The following FRYL variants were observed in gnomAD, a reference collection of about 807,000 sequenced individuals.
FRYL encodes the protein protein furry homolog-like.
Under a neutral mutation model 351.2 loss-of-function variants are expected in FRYL, and 150 were observed. That is an observed-to-expected ratio of 0.43 (90% CI 0.37 to 0.49). The LOEUF (loss-of-function observed/expected upper bound fraction) is 0.49, where lower values mean the gene tolerates loss of function less well. FRYL is among the 20% of genes least tolerant of loss of function. The pLI is 0.00. For synonymous variants in FRYL, 1,153 were observed against 1,257.1 expected, an observed-to-expected ratio of 0.92 and a Z score of 1.75; for missense variants, 3,036 against 3,619.3, an observed-to-expected ratio of 0.84 and a Z score of 4.13.
chr4:48,542,542 G>A (rs140962756), intron 44 of FRYL, among the ~76,000 whole-genome samples: 3 of 152,230 alleles, frequency 2.0e-5, no homozygotes, highest in East Asian at 1.9e-4. Flanking sequence ...TCAGCCTCCC[G>A]AGTAGCTGGG....
At chr4:48,756,585 A>G (rs777281248) in intron 1 of FRYL, among the ~76,000 whole-genome samples, 13 of 152,354 alleles carry the variant, frequency 8.5e-5, no homozygotes, top group Non-Finnish European at 1.8e-4. Context: ...CACAACCAAC[A>G]TAGTGTTTAT....
intron 59 of FRYL, among the ~76,000 whole-genome samples, chr4:48,508,696 T>C (rs1295293224): frequency 6.6e-6 from 1 of 152,190 alleles, no homozygotes; most frequent in African/African-American, 2.4e-5. Context: ...TTCACTCATA[T>C]GTCTTGCACA....
At position 48,549,629 on chromosome 4, in the gene FRYL, A is replaced by G. The variant is rs773496968; in HGVS notation, c.4634-6T>C. On this transcript the variant is annotated splice_region_variant and splice_polypyrimidine_tract_variant and intron_variant, in intron 38 of 63. Coordinates refer to ENST00000358350, the MANE Select transcript of FRYL (RefSeq NM_015030.2). The surrounding 1 kb of genome is among the most constrained non-coding windows in gnomAD (Gnocchi z 4.2). Reference sequence around the variant, plus strand: ...ATAAAGTGGCATTGAATCACCTATCAAGATAAAATGATCTCATTTTCTACA... The same window carrying G: ...ATAAAGTGGCATTGAATCACCTATCGAGATAAAATGATCTCATTTTCTACA... 5.6e-6 allele frequency: 9 copies of G among 1,606,198 alleles called. No individual in the cohort carries two copies. The highest frequency in any genetic ancestry group is 7.7e-6 in the Non-Finnish European group (9 of 1,175,432).
At chr4:48,711,772 TCCCTGAC>T (rs1768077445) in intron 1 of FRYL, among the ~76,000 whole-genome samples, 1 of 152,092 alleles carries the variant, frequency 6.6e-6, no homozygotes, top group African/African-American at 2.4e-5. Flanking sequence ...CTCAAGTGGG[TCCCTGAC>T]CCCTGACCCC....
At chr4:48,708,613 G>A (rs1048938957) in intron 2 of FRYL, among the ~76,000 whole-genome samples, 3 of 152,154 alleles carry the variant, frequency 2.0e-5, no homozygotes, top group African/African-American at 7.2e-5. Flanking sequence ...ATTAGCAAAA[G>A]ATTATAAACA....
At chr4:48,772,652 A>G (rs1383765915) in intron 1 of FRYL, among the ~76,000 whole-genome samples, 2 of 149,378 alleles carry the variant, frequency 1.3e-5, no homozygotes, top group Non-Finnish European at 3.0e-5. Flanking sequence ...TCACATCTGA[A>G]GCTTACCCTG....
intron 1 of FRYL, among the ~76,000 whole-genome samples, chr4:48,778,603 A>T (rs191737392): frequency 3.8e-4 from 58 of 152,350 alleles, no homozygotes; most frequent in East Asian, 1.2e-3. Context: ...TAAGGCCTCT[A>T]ACAAGGAATG....
chr4:48,502,984 A>G lies in FRYL; in HGVS notation c.8464-139T>C, dbSNP rs542459442. The G allele has an allele frequency of 1.5e-5, 9 of 610,270 alleles. No individual in the cohort carries two copies. In the East Asian group the frequency reaches 2.7e-4, roughly 18 times the overall value. 37.8% of individuals were successfully genotyped at this position (610,270 alleles called of 1,614,324 possible). A position where few individuals can be genotyped will look rare whatever the true frequency, so the allele number is the denominator to read the frequency against. ...ATATATTTATACCCCAAAGAAAATT[A>G]TACAAAGTTATTTCCAGAATAAAAC... On this transcript the variant is annotated intron_variant, in intron 60 of 63. Coordinates refer to ENST00000358350, the MANE Select transcript of FRYL (RefSeq NM_015030.2).
intron 3 of FRYL, among the ~76,000 whole-genome samples, chr4:48,634,927 T>C (rs1753927433): frequency 1.3e-5 from 2 of 152,288 alleles, no homozygotes; most frequent in Non-Finnish European, 2.9e-5. Flanking sequence ...AAAACAACAC[T>C]ACTTTGGAAA....
At chr4:48,759,215 G>A (rs1214957218) in intron 1 of FRYL, among the ~76,000 whole-genome samples, 1 of 151,936 alleles carries the variant, frequency 6.6e-6, no homozygotes, top group African/African-American at 2.4e-5. Context: ...ATGTACTATA[G>A]AACTTAAAGT....
chr4:48,582,869 A>G, intron 19 of FRYL, 135 bp from the exon 20 acceptor site: 1 of 664,124 alleles, frequency 1.5e-6, no homozygotes, highest in Non-Finnish European at 2.6e-6. Context: ...GCAACCAATG[A>G]TCACTTTTTC....
intron 2 of FRYL, among the ~76,000 whole-genome samples, chr4:48,703,294 C>A (rs1766966099): frequency 6.6e-6 from 1 of 152,100 alleles, no homozygotes. Flanking sequence ...TGAACAAAAT[C>A]CTGAATTAGA....
intron 1 of FRYL, among the ~76,000 whole-genome samples, chr4:48,735,850 T>C (rs1454525312): frequency 2.1e-5 from 2 of 96,986 alleles, no homozygotes; most frequent in African/African-American, 4.0e-5. Flanking sequence ...AGGGATAGCA[T>C]TGGGAGATAT....
chr4:48,584,998 T>C (rs144390959), intron 19 of FRYL, among the ~76,000 whole-genome samples: 22 of 152,320 alleles, frequency 1.4e-4, no homozygotes, highest in African/African-American at 5.1e-4. Flanking sequence ...ACTATTCAGC[T>C]GTCTGCTCTT....
chr4:48,649,847 C>T (rs1051346027), intron 3 of FRYL, among the ~76,000 whole-genome samples: 23 of 152,134 alleles, frequency 1.5e-4, no homozygotes, highest in Admixed American at 1.4e-3. Flanking sequence ...TAAAAAGTAG[C>T]ATTTAACATT....
intron 33 of FRYL, 123 bp from the exon 34 acceptor site, chr4:48,557,835 G>A: frequency 1.8e-6 from 2 of 1,093,456 alleles, no homozygotes; most frequent in African/African-American, 1.6e-5. Context: ...TAACAATTAT[G>A]AGTATTGTTT....
At chr4:48,754,459 T>G (rs1022506736) in intron 1 of FRYL, among the ~76,000 whole-genome samples, 1 of 152,126 alleles carries the variant, frequency 6.6e-6, no homozygotes, top group Non-Finnish European at 1.5e-5. Context: ...CATATACAAG[T>G]GTTTGTTTGA....
chr4:48,609,983 G>A (rs1267657942), intron 7 of FRYL, among the ~76,000 whole-genome samples, 160 bp from the exon 8 acceptor site: 2 of 152,030 alleles, frequency 1.3e-5, no homozygotes, highest in East Asian at 3.9e-4. Context: ...TTTTCTCTAA[G>A]AATTTGGTTA....
intron 37 of FRYL, 75 bp from the exon 38 acceptor site, chr4:48,550,779 G>T: frequency 8.9e-7 from 1 of 1,118,140 alleles, no homozygotes; most frequent in Non-Finnish European, 1.4e-6. Flanking sequence ...CACTTTCTCT[G>T]TTTAAAAAAG....
Sources: allele counts gnomAD v4.1 joint callset (sites outside exome capture counted in the v4.1 genomes callset), GRCh38; gene constraint gnomAD v4.1.1; non-coding constraint Gnocchi (gnomAD v3.1); transcripts MANE v1.5; gene names NCBI Gene and HGNC (gene_info 2026-07-23, HGNC 2026-07-21).